Variants in SPRR2G observed in about 807,000 individuals in gnomAD.
SPRR2G encodes small proline-rich protein 2G.
SPRR2G carries 1 observed loss-of-function variant against 0.7 expected under a neutral mutation model. That is an observed-to-expected ratio of 1.49 (90% CI 0.53 to 7.06). The LOEUF is 7.06. Among genes scored for constraint, SPRR2G ranks in the 30% most tolerant of loss-of-function variants. The probability of loss-of-function intolerance (pLI) is 0.14; values close to 1 mark genes in which losing one functional copy is unlikely to be tolerated. For synonymous variants in SPRR2G, 38 were observed against 33.9 expected, an observed-to-expected ratio of 1.12 and a Z score of -0.42; for missense variants, 96 against 88.5, an observed-to-expected ratio of 1.09 and a Z score of -0.34.
chr1:153,180,856 C>G, the SPRR2G span, among the ~76,000 whole-genome samples: 1 of 152,158 alleles, frequency 6.6e-6, no homozygotes, highest in Non-Finnish European at 1.5e-5. Flanking sequence ...TTGCATTTCT[C>G]TTATGAATGG....
chr1:153,157,415 T>C, the SPRR2G span, among the ~76,000 whole-genome samples: 2 of 152,128 alleles, frequency 1.3e-5, no homozygotes, highest in Admixed American at 6.5e-5. Context: ...AATAACAAAT[T>C]GTTGATAATT....
the SPRR2G span, among the ~76,000 whole-genome samples, chr1:153,192,231 G>A: frequency 6.6e-6 from 1 of 152,196 alleles, no homozygotes; most frequent in Admixed American, 6.5e-5. Flanking sequence ...GAAGAAGGCA[G>A]AGCAGAGGAT....
the SPRR2G span, among the ~76,000 whole-genome samples, chr1:153,186,630 A>T: frequency 6.6e-6 from 1 of 152,064 alleles, no homozygotes; most frequent in Non-Finnish European, 1.5e-5. Context: ...ACAACACACC[A>T]ATGGGTCTTG....
At chr1:153,176,982 T>G in the SPRR2G span, among the ~76,000 whole-genome samples, 1 of 152,138 alleles carries the variant, frequency 6.6e-6, no homozygotes, top group African/African-American at 2.4e-5. Flanking sequence ...TTGCAGTTAG[T>G]TAATCCCCTC....
chr1:153,172,023 A>T, the SPRR2G span, among the ~76,000 whole-genome samples: 1 of 151,730 alleles, frequency 6.6e-6, no homozygotes, highest in East Asian at 1.9e-4. Flanking sequence ...TTCCTTTTAC[A>T]CTCAACTTTA....
chr1:153,150,884 A>G lies in SPRR2G; in HGVS notation c.-54T>C, dbSNP rs1253328247. 1 of 152,650 alleles carries G rather than the reference A, an allele frequency of 6.6e-6. No individual in the cohort carries two copies. Among genetic ancestry groups the G allele is most frequent in the Non-Finnish European group, 1.5e-5 (1 of 68,370 alleles). The allele number at this position is 152,650 out of a possible 1,614,324, so 9.5% of individuals were successfully genotyped here. A position where few individuals can be genotyped will look rare whatever the true frequency, so the allele number is the denominator to read the frequency against. The stretch of plus-strand genomic sequence containing the variant: ...TTCAAAGATCTACAACTGAATGGCA[A>G]GAAGATAGCATCAGTGTGGTGGAGA... On this transcript the variant is annotated 5_prime_UTR_variant, in exon 1 of 2. Transcript: ENST00000368748.
chr1:153,198,104 C>G, the SPRR2G span, among the ~76,000 whole-genome samples: 10 of 152,160 alleles, frequency 6.6e-5, no homozygotes, highest in African/African-American at 2.4e-4. Flanking sequence ...AAATCATGCC[C>G]AAGGAGAATT....
the SPRR2G span, among the ~76,000 whole-genome samples, chr1:153,160,454 T>A: frequency 6.6e-6 from 1 of 152,256 alleles, no homozygotes; most frequent in South Asian, 2.1e-4. Context: ...TATTTTTAAT[T>A]TTTTGAGGAA....
the SPRR2G span, among the ~76,000 whole-genome samples, chr1:153,195,035 G>A: frequency 4.8e-4 from 73 of 152,300 alleles, 1 homozygote; most frequent in Admixed American, 9.1e-4. Flanking sequence ...CAGGAAAGAT[G>A]ACCTAGCAGC....
chr1:153,189,212 A>C, the SPRR2G span, among the ~76,000 whole-genome samples: 1 of 152,124 alleles, frequency 6.6e-6, no homozygotes, highest in Non-Finnish European at 1.5e-5. Context: ...CTTCAACTTG[A>C]ATTTCCATTT....
the SPRR2G span, among the ~76,000 whole-genome samples, chr1:153,172,703 T>A: frequency 6.6e-6 from 1 of 152,198 alleles, no homozygotes; most frequent in Non-Finnish European, 1.5e-5. Flanking sequence ...CCTTTTGTTT[T>A]CCAAAAGTTT....
At chr1:153,169,482 C>T in the SPRR2G span, among the ~76,000 whole-genome samples, 1 of 151,320 alleles carries the variant, frequency 6.6e-6, no homozygotes. Flanking sequence ...AAGAGAATTG[C>T]TTGAACCCGG....
the SPRR2G span, among the ~76,000 whole-genome samples, chr1:153,166,157 G>T: frequency 6.6e-6 from 1 of 152,090 alleles, no homozygotes; most frequent in Non-Finnish European, 1.5e-5. Context: ...CTATATACTG[G>T]GTGGGTTGAT....
At chr1:153,188,493 C>T in the SPRR2G span, among the ~76,000 whole-genome samples, 24 of 152,218 alleles carry the variant, frequency 1.6e-4, no homozygotes, top group Admixed American at 3.3e-4. Flanking sequence ...TAAGGGGAAA[C>T]GGCCTACTCA....
At chr1:153,201,973 TACTA>T in the SPRR2G span, among the ~76,000 whole-genome samples, 7 of 152,216 alleles carry the variant, frequency 4.6e-5, no homozygotes, top group African/African-American at 1.7e-4. Flanking sequence ...TTAAAAGTAA[TACTA>T]ACACCCCAAA....
the SPRR2G span, among the ~76,000 whole-genome samples, chr1:153,170,026 T>C: frequency 6.6e-6 from 1 of 152,204 alleles, no homozygotes; most frequent in African/African-American, 2.4e-5. Flanking sequence ...ATATAACTAA[T>C]TAATTTATTT....
chr1:153,162,529 T>A, the SPRR2G span, among the ~76,000 whole-genome samples: 1 of 152,184 alleles, frequency 6.6e-6, no homozygotes, highest in Non-Finnish European at 1.5e-5. Flanking sequence ...AGCAAGTTAG[T>A]GTGTCAGGGC....
the SPRR2G span, among the ~76,000 whole-genome samples, chr1:153,199,514 C>A: frequency 6.6e-6 from 1 of 152,180 alleles, no homozygotes; most frequent in Non-Finnish European, 1.5e-5. Context: ...GTTTTCAGGT[C>A]TTTCTTTCTC....
At chr1:153,189,921 G>A in the SPRR2G span, among the ~76,000 whole-genome samples, 56 of 152,246 alleles carry the variant, frequency 3.7e-4, no homozygotes, top group African/African-American at 1.2e-3. Context: ...GCCTCCTGTA[G>A]GGTGGGCAGT....
Sources: allele counts gnomAD v4.1 joint callset (sites outside exome capture counted in the v4.1 genomes callset), GRCh38; gene constraint gnomAD v4.1.1; transcripts MANE v1.5; gene names NCBI Gene and HGNC (gene_info 2026-07-23, HGNC 2026-07-21).